PRKCA: variants seen among roughly 807,000 people sequenced by gnomAD.
The protein encoded by PRKCA is protein kinase C alpha, also known as protein kinase C alpha type.
In PRKCA, 27 loss-of-function variants were observed where a neutral mutation model predicts 87.0. That is an observed-to-expected ratio of 0.31 (90% CI 0.23 to 0.43). PRKCA has a LOEUF of 0.43. Among genes scored for constraint, PRKCA ranks in the 20% least tolerant of loss-of-function variants. The pLI, the probability that PRKCA is intolerant of heterozygous loss-of-function variation, is 1.00. For synonymous variants in PRKCA, 329 were observed against 311.1 expected, an observed-to-expected ratio of 1.06 and a Z score of -0.61; for missense variants, 518 against 852.3, an observed-to-expected ratio of 0.61 and a Z score of 4.88.
intron 3 of PRKCA, among the ~76,000 whole-genome samples, chr17:66,593,345 G>T (rs1357959061): frequency 2.0e-5 from 3 of 152,150 alleles, no homozygotes; most frequent in African/African-American, 7.2e-5. Context: ...GGTTTGCTTG[G>T]TGGAAGCTGG....
chr17:66,432,228 G>A (rs368324268), intron 2 of PRKCA, among the ~76,000 whole-genome samples: 1 of 152,104 alleles, frequency 6.6e-6, no homozygotes, highest in African/African-American at 2.4e-5. Context: ...TTGAGAGGTG[G>A]GAGTGAGAGG....
intron 8 of PRKCA, among the ~76,000 whole-genome samples, chr17:66,722,755 T>C (rs1973645728): frequency 6.6e-6 from 1 of 152,204 alleles, no homozygotes; most frequent in Non-Finnish European, 1.5e-5. Flanking sequence ...AATATGCCAT[T>C]TTTTGAGGAA....
chr17:66,722,475 T>C (rs570498879), intron 8 of PRKCA, among the ~76,000 whole-genome samples: 1 of 152,214 alleles, frequency 6.6e-6, no homozygotes, highest in Non-Finnish European at 1.5e-5. Flanking sequence ...TTTTTACACA[T>C]GTACCATAAC....
chr17:66,583,241 A>G (rs966677709), intron 3 of PRKCA, among the ~76,000 whole-genome samples: 1 of 152,160 alleles, frequency 6.6e-6, no homozygotes. Flanking sequence ...ATATTAAGTG[A>G]CAGATTTGGT....
At chr17:66,342,782 C>A (rs1465448330) in intron 2 of PRKCA, among the ~76,000 whole-genome samples, 1 of 152,154 alleles carries the variant, frequency 6.6e-6, no homozygotes, top group Admixed American at 6.5e-5. Context: ...TTTTCACCAT[C>A]TCTTAATCTG....
At position 66,709,479 on chromosome 17, in the gene PRKCA, T is replaced by A. The variant is rs1006249482; in HGVS notation, c.918+20432T>A. Among the ~76,000 whole-genome samples the A allele has an allele frequency of 9.9e-5, 15 of 151,674 alleles. No individual in the cohort carries two copies. The East Asian group carries it at 2.9e-3, about 29-fold the overall frequency. Reference sequence around the variant, plus strand: ...GCTTGAGCCACCACACCTGGCTAATTTTGTATTTTAGTAGAGACAAGGTTT... The same window carrying A: ...GCTTGAGCCACCACACCTGGCTAATATTGTATTTTAGTAGAGACAAGGTTT... On this transcript the variant is annotated intron_variant, in intron 8 of 16. Transcript: ENST00000413366.
intron 2 of PRKCA, among the ~76,000 whole-genome samples, chr17:66,440,062 T>A (rs757581219): frequency 1.3e-5 from 2 of 152,170 alleles, no homozygotes; most frequent in Non-Finnish European, 2.9e-5. Flanking sequence ...CCTTCCAAGA[T>A]GTATTAAGAA....
chr17:66,498,788 A>G (rs117168126), intron 3 of PRKCA, among the ~76,000 whole-genome samples: 4,531 of 152,352 alleles, frequency 0.03, 104 homozygotes, highest in Non-Finnish European at 0.046. Flanking sequence ...GCACACATGC[A>G]TGCTGGGCTG....
intron 2 of PRKCA, among the ~76,000 whole-genome samples, chr17:66,361,074 T>C (rs746016750): frequency 6.6e-6 from 1 of 152,132 alleles, no homozygotes; most frequent in Non-Finnish European, 1.5e-5. Flanking sequence ...GAAGATTATT[T>C]ACAACATGAT....
At chr17:66,622,831 A>G (rs962669847) in intron 3 of PRKCA, among the ~76,000 whole-genome samples, 8 of 152,356 alleles carry the variant, frequency 5.3e-5, no homozygotes, top group South Asian at 2.1e-4. Flanking sequence ...ATCTTGTGAG[A>G]CTTACTACTA....
chr17:66,341,229 A>G (rs1294352944), intron 2 of PRKCA, among the ~76,000 whole-genome samples: 1 of 152,120 alleles, frequency 6.6e-6, no homozygotes, highest in African/African-American at 2.4e-5. Context: ...AAGCCTCACC[A>G]TTTCTTCACT....
chr17:66,374,060 C>G (rs761413078), intron 2 of PRKCA, among the ~76,000 whole-genome samples: 2 of 152,228 alleles, frequency 1.3e-5, no homozygotes, highest in South Asian at 4.1e-4. Context: ...GGCAGTGCTC[C>G]CCTGGAAGGG....
intron 8 of PRKCA, among the ~76,000 whole-genome samples, chr17:66,725,262 G>A (rs779180941): frequency 6.6e-6 from 1 of 152,192 alleles, no homozygotes. Flanking sequence ...GTCTGCACCA[G>A]CTCACCTGAC....
intron 2 of PRKCA, chr17:66,416,136 A>G (rs1285592330): frequency 1.3e-5 from 2 of 152,162 alleles, no homozygotes; most frequent in Non-Finnish European, 1.5e-5. Flanking sequence ...TCCAAAGTCT[A>G]CCATCATGAA....
intron 5 of PRKCA, among the ~76,000 whole-genome samples, chr17:66,660,662 G>A (rs1172695639): frequency 6.6e-6 from 1 of 152,110 alleles, no homozygotes; most frequent in Non-Finnish European, 1.5e-5. Context: ...AGCCGAGGCG[G>A]GCGGATCACG....
At chr17:66,470,750 A>G (rs754277957) in intron 2 of PRKCA, among the ~76,000 whole-genome samples, 1 of 152,218 alleles carries the variant, frequency 6.6e-6, no homozygotes, top group African/African-American at 2.4e-5. Flanking sequence ...TAGGGGGACG[A>G]GCAGAGGCAA....
chr17:66,355,262 T>G (rs1200592648), intron 2 of PRKCA, among the ~76,000 whole-genome samples: 1 of 152,212 alleles, frequency 6.6e-6, no homozygotes, highest in Non-Finnish European at 1.5e-5. Flanking sequence ...CAGATCCTTT[T>G]AATCCCTGCT....
At chr17:66,433,239 A>C (rs1172681981) in intron 2 of PRKCA, among the ~76,000 whole-genome samples, 1 of 152,138 alleles carries the variant, frequency 6.6e-6, no homozygotes, top group Non-Finnish European at 1.5e-5. Context: ...GCCCTGGAGG[A>C]AACCCCAGGG....
At position 66,347,292 on chromosome 17, in the gene PRKCA, G is replaced by A. The variant is rs558487028; in HGVS notation, c.205+41165G>A. On this transcript the variant is annotated intron_variant, in intron 2 of 16. Transcript: ENST00000413366. ...TGTCTGACTTAAATAAAACATAGTT[G>A]GACTCTCAGCTGCTTCTGCTTCAAT... 9.2e-5 allele frequency among the ~76,000 whole-genome samples: 14 copies of A among 152,182 alleles called. No individual in the cohort carries two copies. The South Asian group carries it at 2.9e-3, about 32-fold the overall frequency.
Sources: gnomAD v4.1 joint callset for allele counts (sites outside exome capture counted in the v4.1 genomes callset) on GRCh38, gnomAD v4.1.1 for gene constraint, MANE v1.5 for transcripts, NCBI Gene and HGNC (gene_info 2026-07-23, HGNC 2026-07-21) for gene names.